The following ATP2C1 variants were observed in gnomAD, a reference collection of about 807,000 sequenced individuals.
The protein encoded by ATP2C1 is calcium-transporting ATPase type 2C member 1.
Under a neutral mutation model 120.5 loss-of-function variants are expected in ATP2C1, and 31 were observed. That is an observed-to-expected ratio of 0.26 (90% CI 0.19 to 0.35). ATP2C1 has a LOEUF of 0.35. Among genes scored for constraint, ATP2C1 ranks in the 10% least tolerant of loss-of-function variants. The pLI is 1.00. For synonymous variants in ATP2C1, 351 were observed against 358.7 expected (o/e 0.98, Z 0.24); for missense variants, 731 against 1,107.5 (o/e 0.66, Z 4.83).
chr3:130,984,408 G>GA (rs1651492999), intron 20 of ATP2C1, among the ~76,000 whole-genome samples: 1 of 152,126 alleles, frequency 6.6e-6, no homozygotes, highest in Admixed American at 6.5e-5. Flanking sequence ...ATATATTGCT[G>GA]AATTGTCCTC....
Position 130,934,502 on chromosome 3 carries a change from T to G in ATP2C1, c.235-120T>G. The G allele has an allele frequency of 4.4e-6, 3 of 680,492 alleles. No individual in the cohort carries two copies. In the South Asian group the frequency reaches 5.2e-5, roughly 12 times the overall value. 42.2% of individuals were successfully genotyped at this position (680,492 alleles called of 1,614,324 possible). On this transcript the variant is annotated intron_variant, in intron 4 of 27. Transcript: ENST00000510168. The stretch of plus-strand genomic sequence containing the variant: ...AATTGAAGAGATACATAAAATAAAC[T>G]GAGTATAGACTTTTGTAATTTTCCA...
intron 8 of ATP2C1, among the ~76,000 whole-genome samples, chr3:130,942,829 G>C (rs1211384468): frequency 6.6e-6 from 1 of 151,912 alleles, no homozygotes; most frequent in African/African-American, 2.4e-5. Flanking sequence ...ACAATACCTT[G>C]AATTATTCTT....
At chr3:130,900,507 A>G (rs1390091800) in intron 2 of ATP2C1, among the ~76,000 whole-genome samples, 2 of 152,230 alleles carry the variant, frequency 1.3e-5, no homozygotes, top group African/African-American at 2.4e-5. Flanking sequence ...TATATTTGCC[A>G]TCAGCCTTTT....
intron 1 of ATP2C1, among the ~76,000 whole-genome samples, chr3:130,860,584 G>A (rs1423723850): frequency 1.3e-5 from 2 of 152,216 alleles, no homozygotes; most frequent in African/African-American, 2.4e-5. Flanking sequence ...TTTTGTGGGT[G>A]AGAGAACTGA....
intron 1 of ATP2C1, among the ~76,000 whole-genome samples, chr3:130,870,963 T>C (rs1343062561): frequency 2.6e-5 from 4 of 152,184 alleles, no homozygotes; most frequent in Non-Finnish European, 5.9e-5. Flanking sequence ...ACTTCAACTT[T>C]CAGCAACCAC....
At chr3:130,905,203 C>A (rs570074432) in intron 2 of ATP2C1, among the ~76,000 whole-genome samples, 1 of 152,116 alleles carries the variant, frequency 6.6e-6, no homozygotes, top group Admixed American at 6.6e-5. Context: ...CTTCTAGGCT[C>A]TCTTAGTAGA....
At chr3:130,962,355 T>C (rs2108618565) in intron 12 of ATP2C1, among the ~76,000 whole-genome samples, 1 of 152,110 alleles carries the variant, frequency 6.6e-6, no homozygotes, top group Middle Eastern at 3.4e-3. Context: ...TTAGAAGTGT[T>C]GCAATTTGAC....
intron 21 of ATP2C1, among the ~76,000 whole-genome samples, chr3:130,993,626 T>C (rs1441227820): frequency 1.3e-5 from 2 of 152,190 alleles, no homozygotes; most frequent in Admixed American, 6.5e-5. Context: ...GTCCAAAACA[T>C]CTCCACACAT....
At chr3:130,933,259 C>T (rs2059527844) in intron 4 of ATP2C1, among the ~76,000 whole-genome samples, 6 of 105,086 alleles carry the variant, frequency 5.7e-5, no homozygotes, top group Admixed American at 5.5e-4. Flanking sequence ...TCACAAAGCA[C>T]TGGGTGATTC....
intron 1 of ATP2C1, among the ~76,000 whole-genome samples, chr3:130,877,795 T>G (rs1031599536): frequency 6.6e-6 from 1 of 152,094 alleles, no homozygotes; most frequent in Non-Finnish European, 1.5e-5. Flanking sequence ...TGGGTATATA[T>G]CCAAAGGATT....
chr3:130,880,454 C>T (rs1046377480), intron 1 of ATP2C1, among the ~76,000 whole-genome samples: 2 of 152,102 alleles, frequency 1.3e-5, no homozygotes, highest in African/African-American at 4.8e-5. Flanking sequence ...AAATATGATA[C>T]AGGCTACAAA....
At chr3:130,968,771 T>C (rs1341369405) in intron 16 of ATP2C1, among the ~76,000 whole-genome samples, 1 of 152,152 alleles carries the variant, frequency 6.6e-6, no homozygotes, top group Non-Finnish European at 1.5e-5. Context: ...TTTTTTGATA[T>C]TTTTGATATT....
chr3:130,962,552 A>G (rs924303834), intron 12 of ATP2C1, among the ~76,000 whole-genome samples: 1 of 151,780 alleles, frequency 6.6e-6, no homozygotes, highest in Non-Finnish European at 1.5e-5. Flanking sequence ...GTCCAGGAAT[A>G]GTTTTGGGTT....
chr3:130,964,531 G>T (rs1033130908), intron 13 of ATP2C1, among the ~76,000 whole-genome samples: 2 of 151,968 alleles, frequency 1.3e-5, no homozygotes, highest in African/African-American at 4.8e-5. Flanking sequence ...CTCCAAAAAT[G>T]TACTGAATTT....
rs763568441 is a variant in ATP2C1, at chr3:130,969,413, A to G, written c.1413+17A>G. ...ACACAGCAGGTATCCATCTGTTTAA[A>G]GAATACTTATTTCCTGTTTAGCTTA... On this transcript the variant is annotated intron_variant, in intron 17 of 27. Coordinates refer to ENST00000510168, the MANE Select transcript of ATP2C1 (RefSeq NM_001378687.1). 1.4e-5 allele frequency: 22 copies of G among 1,588,036 alleles called. No individual in the cohort carries two copies. In the Admixed American group the frequency reaches 3.5e-4, roughly 25 times the overall value.
rs2059475036 is a variant in ATP2C1 at position 130,932,101 on chromosome 3, G to A, written c.197G>A (p.Ser66Asn). The part of the protein sequence containing the change: ...AFHGWNEFDI[S>N]EDEPLWKKYI... ...CATGGCTGGAATGAGTTTGATATTA[G>A]TGAAGATGAGCCACTGTGGAAGAAG... is the stretch of plus-strand genomic sequence containing the variant. The change falls in exon 4 of 28, where the codon AGT becomes AAT. Residue 66 changes from serine (S) to asparagine (N), a missense_variant. This residue lies in a region of ATP2C1 where 571 missense variants were observed against 845.9 expected (regional missense o/e 0.67). Transcript: ENST00000510168. 1.2e-6 allele frequency: 2 copies of A among 1,611,782 alleles called. No individual in the cohort carries two copies. Among genetic ancestry groups the A allele is most frequent in the African/African-American group, 1.3e-5 (1 of 74,868 alleles).
intron 1 of ATP2C1, among the ~76,000 whole-genome samples, chr3:130,877,843 GT>G (rs1360416743): frequency 6.6e-6 from 1 of 152,158 alleles, no homozygotes; most frequent in Non-Finnish European, 1.5e-5. Context: ...GCACGTGTAT[GT>G]TTATTGCGGC....
intron 1 of ATP2C1, among the ~76,000 whole-genome samples, chr3:130,862,282 C>T (rs2068039954): frequency 6.7e-6 from 1 of 149,960 alleles, no homozygotes; most frequent in Admixed American, 6.6e-5. Flanking sequence ...TGTGCCCGGC[C>T]TTTATTTTTA....
chr3:130,856,771 G>A (rs765542441), intron 1 of ATP2C1, among the ~76,000 whole-genome samples: 2 of 152,142 alleles, frequency 1.3e-5, no homozygotes, highest in Non-Finnish European at 2.9e-5. Flanking sequence ...TGCCCCCTGT[G>A]CTTGTGCTTG....
Sources: allele counts gnomAD v4.1 joint callset (sites outside exome capture counted in the v4.1 genomes callset), GRCh38; gene constraint gnomAD v4.1.1; regional missense constraint gnomAD v4.1.1; transcripts MANE v1.5; gene names NCBI Gene and HGNC (gene_info 2026-07-23, HGNC 2026-07-21).